The following FRMPD4 variants were observed in gnomAD, a reference collection of about 807,000 sequenced individuals.
FRMPD4 encodes the protein FERM and PDZ domain-containing protein 4.
A neutral mutation model predicts 94.1 loss-of-function variants in FRMPD4; 22 were observed. That is an observed-to-expected ratio of 0.23 (90% CI 0.17 to 0.33). The LOEUF (loss-of-function observed/expected upper bound fraction) is 0.33, where lower values mean the gene tolerates loss of function less well. Ranked by LOEUF, FRMPD4 falls within the 10% of genes least tolerant of loss-of-function variation. The probability of loss-of-function intolerance (pLI) is 1.00; values close to 1 mark genes in which losing one functional copy is unlikely to be tolerated. For missense variants in FRMPD4, 1,111 were observed against 1,339.9 expected (o/e 0.83, Z 2.67); for synonymous variants, 631 against 548.6 (o/e 1.15, Z -2.10).
chrX:11,826,381 TG>T, intron 1 of FRMPD4, among the ~76,000 whole-genome samples: 1 of 111,480 alleles, frequency 9.0e-6, no homozygotes, highest in South Asian at 3.8e-4. Context: ...ATGCAGAGCC[TG>T]GCAAGCCTCT....
intron 3 of FRMPD4, among the ~76,000 whole-genome samples, chrX:12,033,385 G>T (rs780764478): frequency 9.0e-6 from 1 of 111,381 alleles, no homozygotes; most frequent in Non-Finnish European, 1.9e-5. Flanking sequence ...AGAATTATTT[G>T]AGTTTAAGAT....
At chrX:12,512,795 C>A (rs1452001768) in intron 2 of FRMPD4, among the ~76,000 whole-genome samples, 1 of 112,282 alleles carries the variant, frequency 8.9e-6, no homozygotes, top group Non-Finnish European at 1.9e-5. Flanking sequence ...GACTAATTGC[C>A]CCACTGTCTT....
chrX:12,054,040 G>A (rs2054839926), intron 3 of FRMPD4, among the ~76,000 whole-genome samples: 1 of 111,438 alleles, frequency 9.0e-6, no homozygotes, highest in South Asian at 3.8e-4. Flanking sequence ...CCTTTCCACT[G>A]GGAATAGAGA....
Position 11,967,750 on chromosome X carries a change from G to GTT in FRMPD4, c.95+89733_95+89734insTT, listed in dbSNP as rs1267447992. ...TCTAGGCAGATGTGTGTGTGTGTGT[G>GTT]TGTGTGTTTTTTTTTTTTTTTTTTT... On this transcript the variant is annotated intron_variant, in intron 3 of 18. Transcript: ENST00000640291. Among the ~76,000 whole-genome samples the GTT allele has an allele frequency of 4.6e-3, 366 of 79,961 alleles. 9 individuals are homozygous for GTT. Among genetic ancestry groups the GTT allele is most frequent in the Admixed American group, 0.022 (147 of 6,641 alleles). 69.4% of individuals were successfully genotyped at this position (79,961 alleles called of 115,157 possible).
At chrX:12,365,368 C>T (rs1378750081) in intron 1 of FRMPD4, among the ~76,000 whole-genome samples, 4 of 111,229 alleles carry the variant, frequency 3.6e-5, no homozygotes, top group Non-Finnish European at 7.5e-5. Flanking sequence ...CTAGAGGGGT[C>T]GATTAGATGG....
At chrX:11,834,219 C>T (rs2053490125) in intron 1 of FRMPD4, among the ~76,000 whole-genome samples, 1 of 111,813 alleles carries the variant, frequency 8.9e-6, no homozygotes, top group African/African-American at 3.2e-5. Context: ...CAACCTGACC[C>T]ATCTCAACAA....
intron 1 of FRMPD4, among the ~76,000 whole-genome samples, chrX:12,378,128 CT>C (rs1405759783): frequency 8.9e-6 from 1 of 112,061 alleles, no homozygotes; most frequent in Non-Finnish European, 1.9e-5. Context: ...TGCCTGGGCT[CT>C]TTTGGTCAAT....
chrX:12,047,405 T>A (rs1275192069), intron 3 of FRMPD4, among the ~76,000 whole-genome samples: 2 of 111,423 alleles, frequency 1.8e-5, no homozygotes, highest in Admixed American at 1.9e-4. Flanking sequence ...CAGAGAAAAA[T>A]TTATAACCCT....
chrX:12,369,868 G>A (rs1048485586), intron 1 of FRMPD4, among the ~76,000 whole-genome samples: 8 of 111,988 alleles, frequency 7.1e-5, no homozygotes, highest in Admixed American at 4.7e-4. Flanking sequence ...GTCACTAGTA[G>A]TAATCTAAAT....
chrX:12,686,149 A>G lies in FRMPD4; in HGVS notation c.626A>G (p.Tyr209Cys), dbSNP rs750348218. 5.9e-6 allele frequency: 7 copies of G among 1,191,361 alleles called. No individual in the cohort carries two copies. The highest frequency in any genetic ancestry group is 5.3e-5 in the South Asian group (3 of 56,162). ...TTTATGCCAAATGTTTTGAAAGTCT[A>G]TCTGGAAAATGGGCAGACCAAATCA... ...LLFMPNVLKV[Y>C]LENGQTKSFR... The change falls in exon 7 of 17, where the codon TAT (tyrosine) becomes TGT (cysteine). Residue 209 changes from tyrosine (Y) to cysteine (C), a missense_variant. Tyr to Cys is a radical substitution (Grantham distance 194). Around this residue, in one of 8 missense-constraint regions of FRMPD4, gnomAD observed 37 missense variants for 101.0 expected, o/e 0.37. Transcript: ENST00000675598.
chrX:11,968,294 T>A (rs757760089), intron 3 of FRMPD4, among the ~76,000 whole-genome samples: 22 of 111,598 alleles, frequency 2.0e-4, no homozygotes, highest in Non-Finnish European at 3.6e-4. Flanking sequence ...AAGATGCTAG[T>A]ATTTTCTCCT....
intron 2 of FRMPD4, among the ~76,000 whole-genome samples, chrX:12,584,154 A>G (rs886455133): frequency 1.8e-5 from 2 of 112,074 alleles, no homozygotes; most frequent in African/African-American, 3.2e-5. Context: ...TTTAAAGCTC[A>G]CCTGTGCCCT....
chrX:12,578,368 G>A (rs891124749), intron 2 of FRMPD4, among the ~76,000 whole-genome samples: 1 of 111,351 alleles, frequency 9.0e-6, no homozygotes, highest in Non-Finnish European at 1.9e-5. Flanking sequence ...CTAGTTTTAT[G>A]TTTTTTTTAT....
At chrX:11,829,804 G>A (rs1476027610) in intron 1 of FRMPD4, among the ~76,000 whole-genome samples, 2 of 111,928 alleles carry the variant, frequency 1.8e-5, no homozygotes, top group Admixed American at 9.5e-5. Context: ...AAGAAAATAG[G>A]ACCTTTGTTA....
intron 1 of FRMPD4, among the ~76,000 whole-genome samples, chrX:12,349,514 G>A (rs1169215296): frequency 9.0e-6 from 1 of 110,990 alleles, no homozygotes; most frequent in African/African-American, 3.3e-5. Context: ...CTTATGCTCA[G>A]CCAAATTGCC....
chrX:12,209,700 G>A (rs946767335), intron 1 of FRMPD4, among the ~76,000 whole-genome samples: 3 of 112,025 alleles, frequency 2.7e-5, no homozygotes, highest in Non-Finnish European at 5.6e-5. Flanking sequence ...ATCAGCACAC[G>A]TTAGTACTTT....
At chrX:12,357,025 A>T (rs1361300851) in intron 1 of FRMPD4, among the ~76,000 whole-genome samples, 1 of 112,361 alleles carries the variant, frequency 8.9e-6, no homozygotes. Context: ...TCTTCCAGAA[A>T]GCTCTAGGGG....
At chrX:12,535,220 T>C (rs1490834459) in intron 2 of FRMPD4, among the ~76,000 whole-genome samples, 1 of 111,856 alleles carries the variant, frequency 8.9e-6, no homozygotes, top group African/African-American at 3.3e-5. Flanking sequence ...TGAGATTTGC[T>C]TTTCACCTTC....
intron 3 of FRMPD4, among the ~76,000 whole-genome samples, chrX:12,069,973 G>A (rs1250512968): frequency 8.9e-6 from 1 of 111,749 alleles, no homozygotes; most frequent in East Asian, 2.8e-4. Context: ...ACAGGAAGAG[G>A]AGTCAGTGAA....
Sources: allele counts gnomAD v4.1 joint callset (sites outside exome capture counted in the v4.1 genomes callset), GRCh38; gene constraint gnomAD v4.1.1; regional missense constraint gnomAD v4.1.1; transcripts MANE v1.5; gene names NCBI Gene and HGNC (gene_info 2026-07-23, HGNC 2026-07-21).